The following TNR variants were observed in gnomAD, a reference collection of about 807,000 sequenced individuals.
TNR encodes tenascin-R.
In TNR, 45 loss-of-function variants were observed where a neutral mutation model predicts 150.4. That is an observed-to-expected ratio of 0.30 (90% CI 0.24 to 0.38). The LOEUF (loss-of-function observed/expected upper bound fraction) is 0.38. Among genes scored for constraint, TNR ranks in the 10% least tolerant of loss-of-function variants. TNR has a pLI of 1.00. For synonymous variants in TNR, 687 were observed against 678.4 expected, an observed-to-expected ratio of 1.01 and a Z score of -0.20; for missense variants, 1,544 against 1,759.1, an observed-to-expected ratio of 0.88 and a Z score of 2.19.
chr1:175,380,086 C>T (rs958620159), intron 8 of TNR, among the ~76,000 whole-genome samples: 2 of 152,120 alleles, frequency 1.3e-5, no homozygotes, highest in African/African-American at 2.4e-5. Flanking sequence ...AGCCAGCTCC[C>T]GAGTGATGGA....
In TNR at chr1:175,429,613, A is replaced by G. The variant is rs1046630539; in HGVS notation, c.-63-22836T>C. ...CAGAGAATCCTGAATGTAAAACCAAAGGGCCTTCTTTTAAATAGCATCTTA... is the reference window on the plus strand; with the variant it reads ...CAGAGAATCCTGAATGTAAAACCAAGGGGCCTTCTTTTAAATAGCATCTTA... On this transcript the variant is annotated intron_variant, in intron 2 of 22. Coordinates refer to ENST00000367674, the MANE Select transcript of TNR (RefSeq NM_003285.3). 2.0e-5 allele frequency among the ~76,000 whole-genome samples: 3 copies of G among 152,228 alleles called. No individual in the cohort carries two copies. In the South Asian group the frequency reaches 6.2e-4, roughly 32 times the overall value.
At chr1:175,619,652 G>A (rs566544482) in intron 1 of TNR, among the ~76,000 whole-genome samples, 44 of 152,236 alleles carry the variant, frequency 2.9e-4, no homozygotes, top group Non-Finnish European at 2.5e-4. Context: ...CAAACCCACC[G>A]TCTTATAGAT....
intron 1 of TNR, among the ~76,000 whole-genome samples, chr1:175,583,996 A>G (rs1363712611): frequency 6.6e-6 from 1 of 152,152 alleles, no homozygotes; most frequent in African/African-American, 2.4e-5. Flanking sequence ...GAGCTGTGTG[A>G]CCTGGACACC....
intron 1 of TNR, among the ~76,000 whole-genome samples, chr1:175,720,491 C>T (rs748821830): frequency 6.6e-6 from 1 of 152,172 alleles, no homozygotes; most frequent in Non-Finnish European, 1.5e-5. Context: ...CCTTTAACTT[C>T]CATGGGGACA....
In TNR at chr1:175,458,194, T is replaced by C. The variant is rs181647054; in HGVS notation, c.-63-51417A>G. ...CTATTGTAGTAGTAGTAGCAGTAACTAAATTCCCTCTTTCTTGCAAGTCAT... is the reference window on the plus strand; with the variant it reads ...CTATTGTAGTAGTAGTAGCAGTAACCAAATTCCCTCTTTCTTGCAAGTCAT... On this transcript the variant is annotated intron_variant, in intron 2 of 22. Coordinates refer to ENST00000367674, the MANE Select transcript of TNR (RefSeq NM_003285.3). Among the ~76,000 whole-genome samples, 293 of 152,342 alleles carry C rather than the reference T, an allele frequency of 1.9e-3. 2 individuals are homozygous for C. Among genetic ancestry groups the C allele is most frequent in the African/African-American group, 6.7e-3 (280 of 41,592 alleles).
chr1:175,341,501 A>G (rs1557874625), intron 18 of TNR, among the ~76,000 whole-genome samples: 1 of 152,140 alleles, frequency 6.6e-6, no homozygotes, highest in East Asian at 1.9e-4. Context: ...TTGCTCTGAA[A>G]TTGGTTTGTT....
At chr1:175,533,067 C>A (rs1170386480) in intron 1 of TNR, among the ~76,000 whole-genome samples, 1 of 152,116 alleles carries the variant, frequency 6.6e-6, no homozygotes, top group Non-Finnish European at 1.5e-5. Context: ...AAATGCTTTG[C>A]GCTTTTGCTT....
intron 1 of TNR, among the ~76,000 whole-genome samples, chr1:175,742,217 C>T (rs6695373): frequency 0.31 from 46,722 of 151,996 alleles, 7,589 homozygotes; most frequent in African/African-American, 0.42. Flanking sequence ...CAAAAAGTAG[C>T]AGCAGTGAAG....
At chr1:175,379,869 A>G in intron 8 of TNR, 132 bp from the exon 9 acceptor site, 1 of 1,021,192 alleles carries the variant, frequency 9.8e-7, no homozygotes, top group Non-Finnish European at 1.4e-6. Flanking sequence ...TTGAATGAAC[A>G]CTGTGGCTAC....
chr1:175,567,576 G>C (rs1339182074), intron 1 of TNR, among the ~76,000 whole-genome samples: 1 of 152,202 alleles, frequency 6.6e-6, no homozygotes, highest in African/African-American at 2.4e-5. Flanking sequence ...GAGCATCTCT[G>C]TTGTGATGTT....
At chr1:175,335,873 G>A in intron 19 of TNR, 66 bp from the exon 20 acceptor site, 2 of 1,400,504 alleles carry the variant, frequency 1.4e-6, no homozygotes, top group Non-Finnish European at 2.0e-6. Context: ...AGATGCTAAG[G>A]AAAATAAACT....
rs191419913 is a variant in TNR, at chr1:175,699,048, C to T, written c.-165+44178G>A. Among the ~76,000 whole-genome samples, 7 of 152,238 alleles carry T rather than the reference C, an allele frequency of 4.6e-5. No homozygotes were observed. The East Asian group carries it at 1.4e-3, about 29-fold the overall frequency. On this transcript the variant is annotated intron_variant, in intron 1 of 22. Coordinates refer to ENST00000367674, the MANE Select transcript of TNR (RefSeq NM_003285.3). ...GAATACCAATTAGGAGGTGCCACAG[C>T]AGCCCAGGCACAAGGTGATGGAGAC... is the stretch of plus-strand genomic sequence containing the variant.
chr1:175,399,282 C>A (rs1653586528), intron 4 of TNR, among the ~76,000 whole-genome samples: 1 of 152,202 alleles, frequency 6.6e-6, no homozygotes, highest in African/African-American at 2.4e-5. Context: ...TTTCAAGTCA[C>A]CAGCAATTCT....
At chr1:175,651,903 C>T (rs1442683813) in intron 1 of TNR, among the ~76,000 whole-genome samples, 1 of 151,286 alleles carries the variant, frequency 6.6e-6, no homozygotes, top group East Asian at 1.9e-4. Context: ...GATAGTTTAA[C>T]ATCAGAAATC....
chr1:175,354,747 A>G (rs1040522004), intron 17 of TNR, among the ~76,000 whole-genome samples: 2 of 152,212 alleles, frequency 1.3e-5, no homozygotes, highest in Non-Finnish European at 2.9e-5. Context: ...ACATTGGGAT[A>G]AATTTAGGTA....
rs528872749 is a variant in TNR, at chr1:175,714,166, T to C, written c.-165+29060A>G. Among the ~76,000 whole-genome samples, 3 of 152,038 alleles carry C rather than the reference T, an allele frequency of 2.0e-5. No homozygotes were observed. In the South Asian group the frequency reaches 6.3e-4, roughly 32 times the overall value. ...CTCTGGCCCACCTGGGTGCCCTCCTTGGCATCTTTCTCTTCCCACTCCCTC... is the reference window on the plus strand; with the variant it reads ...CTCTGGCCCACCTGGGTGCCCTCCTCGGCATCTTTCTCTTCCCACTCCCTC... On this transcript the variant is annotated intron_variant, in intron 1 of 22. Coordinates refer to ENST00000367674, the MANE Select transcript of TNR (RefSeq NM_003285.3).
chr1:175,414,917 A>T (rs76675089), intron 2 of TNR, among the ~76,000 whole-genome samples: 6,094 of 151,156 alleles, frequency 0.04, 237 homozygotes, highest in Admixed American at 0.095. Flanking sequence ...GGAAAATACC[A>T]ACATGGGCCA....
chr1:175,544,134 G>C (rs4650921), intron 1 of TNR, among the ~76,000 whole-genome samples: 73,557 of 152,000 alleles, frequency 0.48, 18,300 homozygotes, highest in East Asian at 0.67. Flanking sequence ...CAGGTATGTG[G>C]GAGAGCCTTT....
intron 1 of TNR, among the ~76,000 whole-genome samples, chr1:175,720,081 G>T (rs930517234): frequency 7.9e-5 from 12 of 152,186 alleles, no homozygotes; most frequent in African/African-American, 2.7e-4. Context: ...GTTATAGACT[G>T]GATGTGTCCC....
Sources: allele counts gnomAD v4.1 joint callset (sites outside exome capture counted in the v4.1 genomes callset), GRCh38; gene constraint gnomAD v4.1.1; transcripts MANE v1.5; gene names NCBI Gene and HGNC (gene_info 2026-07-23, HGNC 2026-07-21).